Variants in NUP153 observed in about 807,000 individuals in gnomAD.
NUP153 encodes nuclear pore complex protein Nup153.
A neutral mutation model predicts 134.6 loss-of-function variants in NUP153; 27 were observed. That is an observed-to-expected ratio of 0.20 (90% CI 0.15 to 0.28). The LOEUF is 0.28. Among genes scored for constraint, NUP153 ranks in the 10% least tolerant of loss-of-function variants. The probability of loss-of-function intolerance (pLI) is 1.00; values close to 1 mark genes in which losing one functional copy is unlikely to be tolerated. For missense variants in NUP153, 1,821 were observed against 1,731.3 expected, an observed-to-expected ratio of 1.05 and a Z score of -0.92; for synonymous variants, 640 against 623.5, an observed-to-expected ratio of 1.03 and a Z score of -0.40.
intron 16 of NUP153, among the ~76,000 whole-genome samples, chr6:17,633,325 G>C (rs1765357146): frequency 6.6e-6 from 1 of 152,200 alleles, no homozygotes; most frequent in South Asian, 2.1e-4. Flanking sequence ...TGAAAGCATA[G>C]ATCTCTGCCT....
intron 2 of NUP153, among the ~76,000 whole-genome samples, chr6:17,679,797 T>C (rs1768467714): frequency 6.6e-6 from 1 of 152,226 alleles, no homozygotes; most frequent in Non-Finnish European, 1.5e-5. Context: ...CAGCCATTCT[T>C]CGGTGCTCTC....
Position 17,665,254 on chromosome 6 carries a change from T to C in NUP153, c.1200A>G (p.Ile400Met). 1 of 1,605,608 alleles carries C rather than the reference T, an allele frequency of 6.2e-7. No individual in the cohort carries two copies. Among genetic ancestry groups the C allele is most frequent in the Non-Finnish European group, 8.5e-7 (1 of 1,172,366 alleles). ...ATATACTCACACTGCACTTGTTATCTATTCTTTGATTAGTCTTCCTGAATT... is the reference window on the plus strand; with the variant it reads ...ATATACTCACACTGCACTTGTTATCCATTCTTTGATTAGTCTTCCTGAATT... ...SGEFRKTNQR[I>M]DNKCSTGYEK... Residue 400 changes from isoleucine (I) to methionine (M), a missense_variant, in exon 9 of 22, where the codon ATA (isoleucine) becomes ATG (methionine). Ile to Met is a conservative substitution (Grantham distance 10). Transcript: ENST00000262077.
At chr6:17,633,234 T>A (rs1765351956) in intron 16 of NUP153, among the ~76,000 whole-genome samples, 1 of 152,190 alleles carries the variant, frequency 6.6e-6, no homozygotes, top group African/African-American at 2.4e-5. Flanking sequence ...GCAGCAAGCA[T>A]TCTAAGACAT....
At chr6:17,690,983 C>A (rs1279366130) in intron 1 of NUP153, among the ~76,000 whole-genome samples, 6 of 150,784 alleles carry the variant, frequency 4.0e-5, no homozygotes, top group Non-Finnish European at 7.4e-5. Context: ...CCTAAAAATA[C>A]AAAAAAAAAT....
intron 21 of NUP153, 73 bp downstream of exon 21, chr6:17,616,454 T>C (rs747632195): frequency 1.2e-5 from 16 of 1,375,652 alleles, no homozygotes; most frequent in Non-Finnish European, 1.6e-5. Flanking sequence ...TTGATGACTT[T>C]TAAAAACAAA....
chr6:17,650,722 A>G (rs939716398), intron 11 of NUP153, among the ~76,000 whole-genome samples: 2 of 150,064 alleles, frequency 1.3e-5, no homozygotes, highest in Admixed American at 1.3e-4. Flanking sequence ...GATTTCAGAA[A>G]GACATGAGGA....
rs888043617 is a variant in NUP153, at chr6:17,640,493, T to C, written c.1721-429A>G. On this transcript the variant is annotated intron_variant, in intron 14 of 21. Coordinates refer to ENST00000262077, the MANE Select transcript of NUP153 (RefSeq NM_005124.4). ...CATTTTTAGAAATTCACACTATTAA[T>C]ATAATTGAAAATATCCTTCAGTTAT... Among the ~76,000 whole-genome samples, 3 of 152,224 alleles carry C rather than the reference T, an allele frequency of 2.0e-5. No individual in the cohort carries two copies. The South Asian group carries it at 6.2e-4, about 31-fold the overall frequency.
At position 17,625,919 on chromosome 6, in the gene NUP153, A is replaced by T. The variant is rs1764923779; in HGVS notation, c.3790T>A (p.Ser1264Thr). 6.2e-7 allele frequency: 1 copy of T among 1,614,192 alleles called. No individual in the cohort carries two copies. Among genetic ancestry groups the T allele is most frequent in the Admixed American group, 1.7e-5 (1 of 60,028 alleles). Reference protein sequence around the residue: ...FSQDSKLATTSSTGTAVTPFV... With the variant: ...FSQDSKLATTTSTGTAVTPFV... ...GGGGTGACAGCTGTACCTGTGCTGG[A>T]TGTGGTTGCTAGTTTGCTATCTTGA... The change falls in exon 19 of 22, where the codon TCC becomes ACC. Residue 1264 changes from serine (S) to threonine (T), a missense_variant. By Grantham distance (58) the Ser-to-Thr change is moderately conservative. Coordinates refer to ENST00000262077, the MANE Select transcript of NUP153 (RefSeq NM_005124.4). The surrounding 1 kb of genome is among the most constrained non-coding windows in gnomAD (Gnocchi z 4.7).
Position 17,669,526 on chromosome 6 carries a change from C to A in NUP153, c.873G>T (p.Met291Ile). ...ATTGTGCACTGAGTTGCTTAGCTTT[C>A]ATTTGTCTTCTAACTGGTGCCTGTA... ...TPYQAPVRRQ[M>I]KAKQLSAQSY... is the part of the protein sequence containing the mutation. The change falls in exon 6 of 22, where the codon ATG (methionine) becomes ATT (isoleucine). Residue 291 changes from methionine (M) to isoleucine (I), a missense_variant. Transcript: ENST00000262077. 2 of 1,613,134 alleles carry A rather than the reference C, an allele frequency of 1.2e-6. No homozygotes were observed. The highest frequency in any genetic ancestry group is 2.2e-5 in the South Asian group (2 of 91,056).
At chr6:17,698,464 C>A (rs1425336717) in intron 1 of NUP153, among the ~76,000 whole-genome samples, 2 of 152,048 alleles carry the variant, frequency 1.3e-5, no homozygotes, top group African/African-American at 2.4e-5. Flanking sequence ...AGCAGCCGGG[C>A]GTGGTGGCTC....
rs1244333067 is a variant in NUP153 at position 17,695,675 on chromosome 6, C to T, written c.112-7057G>A. Among the ~76,000 whole-genome samples, 5 of 152,156 alleles carry T rather than the reference C, an allele frequency of 3.3e-5. No homozygotes were observed. In the East Asian group the frequency reaches 7.7e-4, roughly 24 times the overall value. On this transcript the variant is annotated intron_variant, in intron 1 of 21. Transcript: ENST00000262077. Reference sequence around the variant, plus strand: ...ATTAGAAATTTTTAAAAAACTACTACGGAAAAGAAATATGCACAGTATTGG... The same window carrying T: ...ATTAGAAATTTTTAAAAAACTACTATGGAAAAGAAATATGCACAGTATTGG...
chr6:17,635,356 G>T (rs1176369530), intron 16 of NUP153, among the ~76,000 whole-genome samples: 2 of 151,892 alleles, frequency 1.3e-5, no homozygotes, highest in African/African-American at 4.8e-5. Context: ...TGATCCACTC[G>T]CCTCGGCCTC....
At chr6:17,648,106 T>C (rs941140592) in intron 12 of NUP153, among the ~76,000 whole-genome samples, 8 of 152,122 alleles carry the variant, frequency 5.3e-5, no homozygotes, top group African/African-American at 1.9e-4. Flanking sequence ...CACACAATCT[T>C]AGAGGTGGAT....
chr6:17,689,555 A>C (rs1348514788), intron 1 of NUP153, among the ~76,000 whole-genome samples: 1 of 141,152 alleles, frequency 7.1e-6, no homozygotes, highest in African/African-American at 2.7e-5. Context: ...TTTTTTTTTG[A>C]GACGGAGTTT....
chr6:17,700,357 A>T (rs1034555526), intron 1 of NUP153, among the ~76,000 whole-genome samples: 2 of 152,196 alleles, frequency 1.3e-5, no homozygotes, highest in African/African-American at 4.8e-5. Context: ...TTTACAGATG[A>T]GTAAATTAAC....
chr6:17,676,411 C>T (rs1768224308), intron 2 of NUP153, among the ~76,000 whole-genome samples: 1 of 137,946 alleles, frequency 7.2e-6, no homozygotes. Context: ...TGCACGAGTA[C>T]CAAATGTTTT....
intron 1 of NUP153, among the ~76,000 whole-genome samples, chr6:17,696,423 G>A (rs993646485): frequency 2.0e-5 from 3 of 152,132 alleles, no homozygotes; most frequent in Non-Finnish European, 4.4e-5. Flanking sequence ...AGGCATGAGG[G>A]AAATAAGCTT....
chr6:17,692,864 A>G (rs2113855624), intron 1 of NUP153, among the ~76,000 whole-genome samples: 1 of 152,294 alleles, frequency 6.6e-6, no homozygotes, highest in Non-Finnish European at 1.5e-5. Context: ...GATACATTTT[A>G]GAGAAGCCCC....
intron 11 of NUP153, among the ~76,000 whole-genome samples, chr6:17,649,828 A>G (rs1223653034): frequency 6.6e-6 from 1 of 152,236 alleles, no homozygotes; most frequent in Non-Finnish European, 1.5e-5. Context: ...TATGTATAAG[A>G]AAAAACACAG....
Sources: gnomAD v4.1 joint callset for allele counts (sites outside exome capture counted in the v4.1 genomes callset) on GRCh38, gnomAD v4.1.1 for gene constraint, Gnocchi (gnomAD v3.1) non-coding constraint, MANE v1.5 for transcripts, NCBI Gene and HGNC (gene_info 2026-07-23, HGNC 2026-07-21) for gene names.